NUP214: variants seen among roughly 807,000 people sequenced by gnomAD.
NUP214 encodes the protein nuclear pore complex protein Nup214.
A neutral mutation model predicts 196.2 loss-of-function variants in NUP214; 79 were observed. The ratio of observed to expected loss-of-function variants is 0.40; its 90% CI spans 0.34 to 0.49. The LOEUF is 0.49. Ranked by LOEUF, NUP214 falls within the 20% of genes least tolerant of loss-of-function variation. The probability of loss-of-function intolerance (pLI) is 0.58; values close to 1 mark genes in which losing one functional copy is unlikely to be tolerated. For missense variants in NUP214, 2,468 were observed against 2,539.0 expected (o/e 0.97, Z 0.60); for synonymous variants, 1,020 against 990.5 (o/e 1.03, Z -0.56).
rs1263946617 is a variant in NUP214, at chr9:131,133,226, A to T, written c.831+17A>T. 1 of 1,444,530 alleles carries T rather than the reference A, an allele frequency of 6.9e-7. No individual in the cohort carries two copies. The highest frequency in any genetic ancestry group is 2.6e-5 in the East Asian group (1 of 38,530). The allele number at this position is 1,444,530 out of a possible 1,614,324, so 89.5% of individuals were successfully genotyped here. On this transcript the variant is annotated intron_variant, in intron 7 of 35. Transcript: ENST00000359428. Reference sequence around the variant, plus strand: ...CTACTACCGGTATGCCTGTGGAAGAAATTTCATTGTTTGAGAATTAGAGAA... The same window carrying T: ...CTACTACCGGTATGCCTGTGGAAGATATTTCATTGTTTGAGAATTAGAGAA...
At chr9:131,132,833 A>G in intron 6 of NUP214, 174 bp downstream of exon 6, 1 of 640,466 alleles carries the variant, frequency 1.6e-6, no homozygotes, top group South Asian at 2.0e-5. Context: ...TCTGGGTGAC[A>G]TCTGTGTTTC....
At chr9:131,214,021 T>G (rs1034743450) in intron 30 of NUP214, among the ~76,000 whole-genome samples, 1 of 152,174 alleles carries the variant, frequency 6.6e-6, no homozygotes, top group Admixed American at 6.5e-5. Context: ...CAAGTAGTGC[T>G]CCAGCTGCTG....
intron 24 of NUP214, among the ~76,000 whole-genome samples, chr9:131,179,880 A>G (rs1406852827): frequency 1.3e-5 from 2 of 152,222 alleles, no homozygotes; most frequent in African/African-American, 4.8e-5. Flanking sequence ...AAGGGAAAGA[A>G]CTATGCATTA....
At chr9:131,185,966 CTTTTAT>C (rs1833440927) in intron 24 of NUP214, among the ~76,000 whole-genome samples, 1 of 152,138 alleles carries the variant, frequency 6.6e-6, no homozygotes, top group Admixed American at 6.5e-5. Context: ...TAAATTGCTG[CTTTTAT>C]TTTTATTTCT....
At chr9:131,164,009 A>G (rs370155095) in intron 20 of NUP214, 52 bp from the exon 21 acceptor site, 1 of 1,612,514 alleles carries the variant, frequency 6.2e-7, no homozygotes, top group African/African-American at 1.3e-5. Flanking sequence ...CCAAGTACTG[A>G]TATCTTAAAA....
At chr9:131,145,877 A>G (rs1215714500) in intron 12 of NUP214, among the ~76,000 whole-genome samples, 2 of 152,230 alleles carry the variant, frequency 1.3e-5, no homozygotes, top group East Asian at 1.9e-4. Flanking sequence ...TCATATTGTG[A>G]TAAACTTAGT....
In NUP214 at chr9:131,135,968, T is replaced by G; in HGVS notation, c.967T>G (p.Ser323Ala). 6.2e-7 allele frequency: 1 copy of G among 1,614,046 alleles called. No individual in the cohort carries two copies. ...TTTAGTGCTGGCAGCATCTGCGGCT[T>G]CAACAGAAGTTAGTATCCTTGCTCG... ...WDLVLAASAA[S>A]TEVSILARQS... Residue 323 changes from serine (S) to alanine (A), a missense_variant, in exon 9 of 36, where the codon TCA (serine) becomes GCA (alanine). By Grantham distance (99) the Ser-to-Ala change is moderately conservative (BLOSUM62 1). Coordinates refer to ENST00000359428, the MANE Select transcript of NUP214 (RefSeq NM_005085.4).
chr9:131,150,254 AATAG>A, intron 14 of NUP214, 66 bp from the exon 15 acceptor site: 2 of 1,337,182 alleles, frequency 1.5e-6, no homozygotes, highest in South Asian at 2.4e-5. Flanking sequence ...CACTCCCTGT[AATAG>A]GCTCTGATAT....
In NUP214 at chr9:131,159,379, A is replaced by T. The variant is rs376408789; in HGVS notation, c.2437-4A>T. On this transcript the variant is annotated splice_polypyrimidine_tract_variant and splice_region_variant and intron_variant, in intron 17 of 35. Coordinates refer to ENST00000359428, the MANE Select transcript of NUP214 (RefSeq NM_005085.4). The stretch of plus-strand genomic sequence containing the variant: ...TTATTTGCCTTTTAATTTTTTTCTT[A>T]TAGGAAATTCGGCGCCTTCATCAGT... The T allele has an allele frequency of 7.8e-5, 125 of 1,609,428 alleles. No homozygotes were observed. Among genetic ancestry groups the T allele is most frequent in the Non-Finnish European group, 1.1e-4 (124 of 1,177,910 alleles).
chr9:131,130,285 A>T (rs535702429), intron 4 of NUP214, among the ~76,000 whole-genome samples: 90 of 151,714 alleles, frequency 5.9e-4, no homozygotes, highest in Non-Finnish European at 4.6e-4. Flanking sequence ...TTGGGATTAC[A>T]GGTGCCTGCC....
chr9:131,231,338 C>T (rs1172621785), intron 34 of NUP214, among the ~76,000 whole-genome samples: 1 of 152,116 alleles, frequency 6.6e-6, no homozygotes, highest in African/African-American at 2.4e-5. Flanking sequence ...TCTACAGGCG[C>T]CCGCCACCAG....
Position 131,192,206 on chromosome 9 carries a change from A to ATTTTTTTTTAAG in NUP214, c.3575-2_3575-1insTTTTTTTTTAAG. The stretch of plus-strand genomic sequence containing the variant: ...TTTTTTTTTTTTTTTCCATAATTTC[A>ATTTTTTTTTAAG]GGGACAGCCAAGATAGAAACAGCTG... On this transcript the variant is annotated splice_acceptor_variant, in intron 26 of 35. Transcript: ENST00000359428. LOFTEE classifies it high-confidence loss of function. 1 of 570,744 alleles carries ATTTTTTTTTAAG rather than the reference A, an allele frequency of 1.8e-6. No individual in the cohort carries two copies. The highest frequency in any genetic ancestry group is 5.8e-5 in the East Asian group (1 of 17,280). 35.4% of individuals were successfully genotyped at this position (570,744 alleles called of 1,614,324 possible).
At chr9:131,132,119 C>CTTTTTT (rs71389396) in intron 5 of NUP214, among the ~76,000 whole-genome samples, 3 of 114,656 alleles carry the variant, frequency 2.6e-5, no homozygotes, top group African/African-American at 1.1e-4. Context: ...TCTTTTCTTT[C>CTTTTTT]TTTTTTTTTT....
At chr9:131,152,766 A>C (rs1832312230) in intron 17 of NUP214, among the ~76,000 whole-genome samples, 1 of 152,064 alleles carries the variant, frequency 6.6e-6, no homozygotes, top group Non-Finnish European at 1.5e-5. Flanking sequence ...TGCTACACTT[A>C]ACTTTTCTCT....
chr9:131,162,947 CT>C, intron 18 of NUP214, 43 bp from the exon 19 acceptor site: 1 of 1,595,204 alleles, frequency 6.3e-7, no homozygotes, highest in Non-Finnish European at 8.6e-7. Flanking sequence ...GATTCCTTTA[CT>C]TGAACCATTC....
At position 131,144,372 on chromosome 9, in the gene NUP214, C is replaced by A. The variant is rs1201832298; in HGVS notation, c.1387C>A (p.Pro463Thr). 1 of 1,614,210 alleles carries A rather than the reference C, an allele frequency of 6.2e-7. No individual in the cohort carries two copies. The highest frequency in any genetic ancestry group is 1.7e-5 in the Admixed American group (1 of 60,028). The change falls in exon 12 of 36, where the codon CCT becomes ACT. Residue 463 changes from proline (P) to threonine (T), a missense_variant. Pro to Thr is a conservative substitution (Grantham distance 38). Transcript: ENST00000359428. The stretch of plus-strand genomic sequence containing the variant: ...CCCTGCCTCTCTGCCACCTTCATCA[C>A]CTGCTGCTCCCATTGCCACTTTTTC... ...AAPASLPPSSPAAPIATFSLL... is the reference protein window; with the variant it reads ...AAPASLPPSSTAAPIATFSLL...
At chr9:131,140,814 C>G in intron 11 of NUP214, 104 bp downstream of exon 11, 1 of 1,181,296 alleles carries the variant, frequency 8.5e-7, no homozygotes, top group South Asian at 1.5e-5. Flanking sequence ...ATTATCTTTA[C>G]CAGCCTGGTC....
intron 17 of NUP214, among the ~76,000 whole-genome samples, chr9:131,152,967 G>A (rs981259343): frequency 6.6e-6 from 1 of 151,672 alleles, no homozygotes; most frequent in South Asian, 2.1e-4. Flanking sequence ...GTAGAGATGG[G>A]GTCTCACTAC....
intron 24 of NUP214, among the ~76,000 whole-genome samples, chr9:131,179,812 C>A (rs146410904): frequency 3.5e-4 from 53 of 152,144 alleles, no homozygotes; most frequent in African/African-American, 1.3e-3. Context: ...GTAGTGACCT[C>A]GGAGCCTTGG....
Sources: allele counts gnomAD v4.1 joint callset (sites outside exome capture counted in the v4.1 genomes callset), GRCh38; gene constraint gnomAD v4.1.1; transcripts MANE v1.5; gene names NCBI Gene and HGNC (gene_info 2026-07-23, HGNC 2026-07-21).